ABLIM2: variants seen among roughly 807,000 people sequenced by gnomAD.
The protein encoded by ABLIM2 is actin-binding LIM protein 2.
ABLIM2 carries 53 observed loss-of-function variants against 97.7 expected under a neutral mutation model. That is an observed-to-expected ratio of 0.54 (90% CI 0.44 to 0.68). ABLIM2 has a LOEUF of 0.68. ABLIM2 is among the 30% of genes least tolerant of loss of function. The pLI is 0.00. For missense variants in ABLIM2, 835 were observed against 867.2 expected, an observed-to-expected ratio of 0.96 and a Z score of 0.47; for synonymous variants, 361 against 345.8, an observed-to-expected ratio of 1.04 and a Z score of -0.49.
chr4:8,137,625 C>T (rs184430203), intron 1 of ABLIM2, among the ~76,000 whole-genome samples: 1,930 of 152,348 alleles, frequency 0.013, 12 homozygotes, highest in Non-Finnish European at 0.021. Flanking sequence ...GAGGCAGCCA[C>T]GTCGCAGCCC....
intron 3 of ABLIM2, 139 bp downstream of exon 3, chr4:8,096,960 T>C: frequency 9.1e-7 from 1 of 1,102,656 alleles, no homozygotes; most frequent in Non-Finnish European, 1.3e-6. Context: ...GTGCAGACTG[T>C]GGGGCCTGGA....
rs1276462557 is a variant in ABLIM2, at chr4:8,130,226, AG to A, written c.11-23590del. Among the ~76,000 whole-genome samples, 1 of 152,224 alleles carries A rather than the reference AG, an allele frequency of 6.6e-6. No homozygotes were observed. The highest frequency in any genetic ancestry group is 1.5e-5 in the Non-Finnish European group (1 of 68,036). On this transcript the variant is annotated intron_variant, in intron 1 of 20. Transcript: ENST00000447017. This position sits in a 1 kb window ranked among gnomAD's most constrained non-coding sequence, Gnocchi z 4.2. ...CTCACAGGGCCAGGGATGGAGACGC[AG>A]GGTGGCCAGGGTGGTGCTGGATGGC...
At chr4:8,145,146 T>C (rs962515816) in intron 1 of ABLIM2, among the ~76,000 whole-genome samples, 7 of 151,654 alleles carry the variant, frequency 4.6e-5, no homozygotes, top group African/African-American at 1.7e-4. Flanking sequence ...CTCGCTCCTG[T>C]GCCCAGTGTT....
intron 3 of ABLIM2, among the ~76,000 whole-genome samples, chr4:8,090,830 C>T (rs547166736): frequency 4.6e-5 from 7 of 151,996 alleles, no homozygotes; most frequent in East Asian, 1.9e-4. Context: ...CCTTTGAGGA[C>T]GGAGCAGTGT....
At chr4:8,153,456 G>A (rs756745634) in intron 1 of ABLIM2, among the ~76,000 whole-genome samples, 3 of 152,182 alleles carry the variant, frequency 2.0e-5, no homozygotes, top group Non-Finnish European at 2.9e-5. Flanking sequence ...CAGGTTAAGC[G>A]GAGACTGCCA....
In ABLIM2 at chr4:7,966,514, G is replaced by A. The variant is rs2292736; in HGVS notation, c.*476C>T. On this transcript the variant is annotated 3_prime_UTR_variant, in exon 21 of 21. Coordinates refer to ENST00000447017, the MANE Select transcript of ABLIM2 (RefSeq NM_001130083.2). ...CACTGTCCCAGACGCTCACTGCCCC[G>A]TCTGCGAGTCTGCCTGTGAGGCCAG... 0.14 allele frequency: 22,334 copies of A among 161,340 alleles called. 1,928 individuals are homozygous for A. Among genetic ancestry groups the A allele is most frequent in the East Asian group, 0.29 (1,606 of 5,542 alleles). The allele number at this position is 161,340 out of a possible 1,614,324, so 10.0% of individuals were successfully genotyped here.
chr4:8,031,741 T>C (rs79958150), intron 10 of ABLIM2, among the ~76,000 whole-genome samples: 1 of 149,706 alleles, frequency 6.7e-6, no homozygotes, highest in South Asian at 2.1e-4. Flanking sequence ...TTTTTTTTTT[T>C]TGAGATGGAG....
intron 14 of ABLIM2, among the ~76,000 whole-genome samples, chr4:8,013,143 C>T (rs1766199393): frequency 6.6e-6 from 1 of 151,470 alleles, no homozygotes; most frequent in Non-Finnish European, 1.5e-5. Context: ...TCCCTGAGAA[C>T]ATGCATGTGA....
chr4:8,006,207 A>G (rs541034244), intron 16 of ABLIM2, among the ~76,000 whole-genome samples: 5 of 152,376 alleles, frequency 3.3e-5, no homozygotes, highest in Admixed American at 3.3e-4. Flanking sequence ...TGTGCAGGTC[A>G]CAGAGAGTAT....
chr4:8,000,072 C>T (rs974364235), intron 16 of ABLIM2, among the ~76,000 whole-genome samples: 5 of 152,092 alleles, frequency 3.3e-5, no homozygotes, highest in African/African-American at 4.8e-5. Flanking sequence ...CCTGGGTGCA[C>T]GGGCAGGAGG....
chr4:8,022,395 T>G lies in ABLIM2; in HGVS notation c.1268-2092A>C, dbSNP rs1444590144. Among the ~76,000 whole-genome samples the G allele has an allele frequency of 6.6e-6, 1 of 152,212 alleles. No homozygotes were observed. The highest frequency in any genetic ancestry group is 1.5e-5 in the Non-Finnish European group (1 of 68,038). On this transcript the variant is annotated intron_variant, in intron 12 of 20. Coordinates refer to ENST00000447017, the MANE Select transcript of ABLIM2 (RefSeq NM_001130083.2). The surrounding 1 kb of genome is among the most constrained non-coding windows in gnomAD (Gnocchi z 7.8). ...TCAAACCAGAGTCTGTGGACACATG[T>G]GCACGTCTATTTGAGGAGGGTCCGG...
intron 6 of ABLIM2, among the ~76,000 whole-genome samples, chr4:8,074,903 A>C (rs1019729848): frequency 6.6e-6 from 1 of 150,502 alleles, no homozygotes; most frequent in South Asian, 2.1e-4. Context: ...CTCCTGCCTC[A>C]GCCCCCTGAG....
At chr4:7,976,732 CAT>C (rs937288158) in intron 20 of ABLIM2, among the ~76,000 whole-genome samples, 201 of 152,192 alleles carry the variant, frequency 1.3e-3, no homozygotes, top group African/African-American at 4.7e-3. Context: ...CATACACACA[CAT>C]ACACATATGC....
In ABLIM2 at chr4:8,140,026, C is replaced by T. The variant is rs1850730194; in HGVS notation, c.10+18654G>A. On this transcript the variant is annotated intron_variant, in intron 1 of 20. Transcript: ENST00000447017. The surrounding 1 kb of genome is among the most constrained non-coding windows in gnomAD (Gnocchi z 5.9). ...AACAGAAAACCAAACACTACATGTT[C>T]TCACTTACAAGTGGGAGCTGAACAG... 6.8e-6 allele frequency among the ~76,000 whole-genome samples: 1 copy of T among 147,640 alleles called. No homozygotes were observed. Among genetic ancestry groups the T allele is most frequent in the Non-Finnish European group, 1.5e-5 (1 of 67,622 alleles).
chr4:8,014,892 T>C (rs1767714185), intron 14 of ABLIM2, among the ~76,000 whole-genome samples: 1 of 150,900 alleles, frequency 6.6e-6, no homozygotes, highest in Admixed American at 6.6e-5. Context: ...GGCCTCCCTC[T>C]CTTCCACTTT....
chr4:7,982,397 A>T (rs185944824), intron 20 of ABLIM2, among the ~76,000 whole-genome samples: 1 of 152,348 alleles, frequency 6.6e-6, no homozygotes, highest in Admixed American at 6.5e-5. Context: ...CACATTCATG[A>T]CAGGGCTCAG....
chr4:8,045,136 C>A (rs1280787495), intron 9 of ABLIM2, 28 bp downstream of exon 9: 1 of 1,605,076 alleles, frequency 6.2e-7, no homozygotes, highest in East Asian at 2.2e-5. Context: ...CCTCCCACCG[C>A]CGTCCCCATA....
intron 20 of ABLIM2, among the ~76,000 whole-genome samples, chr4:7,976,878 T>C (rs1490969929): frequency 6.7e-6 from 1 of 149,384 alleles, no homozygotes; most frequent in African/African-American, 2.5e-5. Flanking sequence ...TACATAAACA[T>C]ACACACACGC....
rs111658413 is a variant in ABLIM2, at chr4:8,113,721, C to T, written c.11-7084G>A. 1.1e-4 allele frequency among the ~76,000 whole-genome samples: 17 copies of T among 152,326 alleles called. No homozygotes were observed. The East Asian group carries it at 2.5e-3, about 22-fold the overall frequency. ...CCGTCTGCTGTTTGTATCATCCAAA[C>T]GGCTGGCTTGGGGTTTCCAAATGTC... On this transcript the variant is annotated intron_variant, in intron 1 of 20. Coordinates refer to ENST00000447017, the MANE Select transcript of ABLIM2 (RefSeq NM_001130083.2). The surrounding 1 kb of genome is among the most constrained non-coding windows in gnomAD (Gnocchi z 4.5).
Sources: gnomAD v4.1 joint callset for allele counts (sites outside exome capture counted in the v4.1 genomes callset) on GRCh38, gnomAD v4.1.1 for gene constraint, Gnocchi (gnomAD v3.1) non-coding constraint, MANE v1.5 for transcripts, NCBI Gene and HGNC (gene_info 2026-07-23, HGNC 2026-07-21) for gene names.